RANBP2: variants seen among roughly 807,000 people sequenced by gnomAD.
RANBP2 encodes the protein RAN binding protein 2.
A neutral mutation model predicts 303.6 loss-of-function variants in RANBP2; 57 were observed. That is an observed-to-expected ratio of 0.19 (90% CI 0.15 to 0.23). RANBP2 has a LOEUF of 0.23. Ranked by LOEUF, RANBP2 falls within the 10% of genes least tolerant of loss-of-function variation. RANBP2 has a pLI of 1.00. For missense variants in RANBP2, 3,138 were observed against 3,780.8 expected, an observed-to-expected ratio of 0.83 and a Z score of 4.46; for synonymous variants, 1,167 against 1,301.5, an observed-to-expected ratio of 0.90 and a Z score of 2.23.
At chr2:108,932,545 A>T in the RANBP2 span, among the ~76,000 whole-genome samples, 2 of 151,220 alleles carry the variant, frequency 1.3e-5, no homozygotes, top group African/African-American at 4.9e-5. Context: ...AAAAAAAAAA[A>T]AAAAAAAGAA....
the RANBP2 span, among the ~76,000 whole-genome samples, chr2:109,454,770 T>C: frequency 6.6e-6 from 1 of 152,106 alleles, no homozygotes; most frequent in Non-Finnish European, 1.5e-5. Flanking sequence ...AGTCCTGACA[T>C]AAAACTTAAT....
chr2:109,473,765 T>C, the RANBP2 span, among the ~76,000 whole-genome samples: 1 of 43,202 alleles, frequency 2.3e-5, no homozygotes, highest in South Asian at 8.1e-4. Context: ...CCTCCTCCCC[T>C]GTAACACTGA....
chr2:109,735,266 C>T, the RANBP2 span, among the ~76,000 whole-genome samples: 1 of 152,270 alleles, frequency 6.6e-6, no homozygotes, highest in South Asian at 2.1e-4. Flanking sequence ...TGGTATTTAT[C>T]TTTCTGTGCC....
At chr2:109,371,652 A>G in the RANBP2 span, 2 of 1,613,956 alleles carry the variant, frequency 1.2e-6, no homozygotes, top group African/African-American at 1.3e-5. Context: ...GGGAGACAAG[A>G]TCGGGATCTT....
chr2:109,301,308 T>C, the RANBP2 span, among the ~76,000 whole-genome samples: 2 of 146,102 alleles, frequency 1.4e-5, no homozygotes, highest in Admixed American at 6.8e-5. Flanking sequence ...GTGTATGTGG[T>C]GGGGGGCGGG....
chr2:109,200,730 G>C, the RANBP2 span, among the ~76,000 whole-genome samples: 34 of 152,120 alleles, frequency 2.2e-4, no homozygotes, highest in Admixed American at 5.9e-4. Flanking sequence ...TCTATTTCTT[G>C]CTGCCCCTCC....
chr2:109,123,049 C>T, the RANBP2 span, among the ~76,000 whole-genome samples: 9 of 152,182 alleles, frequency 5.9e-5, no homozygotes, highest in African/African-American at 7.2e-5. Flanking sequence ...GCCTGGTGGA[C>T]GATGTAGCCC....
chr2:108,780,499 G>C (rs1044126113), intron 25 of RANBP2, among the ~76,000 whole-genome samples: 4 of 149,526 alleles, frequency 2.7e-5, no homozygotes, highest in African/African-American at 9.9e-5. Context: ...TGAGTAGCTG[G>C]GATCAGTCAC....
At chr2:109,704,874 G>A in the RANBP2 span, among the ~76,000 whole-genome samples, 1 of 151,958 alleles carries the variant, frequency 6.6e-6, no homozygotes, top group Non-Finnish European at 1.5e-5. Flanking sequence ...AAGCAGGCAT[G>A]TATAAAGAGC....
the RANBP2 span, among the ~76,000 whole-genome samples, chr2:109,653,082 G>C: frequency 6.6e-6 from 1 of 152,168 alleles, no homozygotes; most frequent in East Asian, 1.9e-4. Flanking sequence ...GCTTTAGGAA[G>C]GTGCCAGTTT....
At chr2:109,648,419 C>T in the RANBP2 span, among the ~76,000 whole-genome samples, 20 of 151,962 alleles carry the variant, frequency 1.3e-4, no homozygotes, top group East Asian at 2.7e-3. Context: ...GATGCAATCT[C>T]GGCTCACTGC....
At chr2:109,301,913 C>T in the RANBP2 span, among the ~76,000 whole-genome samples, 5 of 152,172 alleles carry the variant, frequency 3.3e-5, no homozygotes, top group African/African-American at 9.7e-5. Flanking sequence ...TTCCCCGGTG[C>T]GGGACCGGGG....
chr2:109,205,410 T>C, the RANBP2 span, among the ~76,000 whole-genome samples: 1 of 151,874 alleles, frequency 6.6e-6, no homozygotes. Context: ...TAATTTTTTG[T>C]TTTTGTTTTT....
At chr2:109,620,227 C>T in the RANBP2 span, among the ~76,000 whole-genome samples, 2 of 152,186 alleles carry the variant, frequency 1.3e-5, no homozygotes, top group African/African-American at 2.4e-5. Context: ...AATTCAATTA[C>T]ATGCATTCAT....
the RANBP2 span, among the ~76,000 whole-genome samples, chr2:109,022,457 A>G: frequency 2.6e-5 from 4 of 152,184 alleles, no homozygotes; most frequent in Admixed American, 6.5e-5. Flanking sequence ...CAGATGGTGG[A>G]CAGTTCCCTT....
the RANBP2 span, among the ~76,000 whole-genome samples, chr2:109,188,494 G>C: frequency 6.6e-6 from 1 of 152,320 alleles, no homozygotes; most frequent in South Asian, 2.1e-4. Context: ...TTGTCCCTGG[G>C]TTTGGCTCTT....
chr2:108,967,598 G>C, the RANBP2 span, among the ~76,000 whole-genome samples: 1 of 152,176 alleles, frequency 6.6e-6, no homozygotes, highest in Non-Finnish European at 1.5e-5. Context: ...AAACTTGAAA[G>C]AGCAGGGGGC....
chr2:109,052,436 C>A, the RANBP2 span, among the ~76,000 whole-genome samples: 2 of 152,158 alleles, frequency 1.3e-5, no homozygotes, highest in Non-Finnish European at 2.9e-5. Flanking sequence ...TACATTTATA[C>A]TTTTGGGAAA....
the RANBP2 span, among the ~76,000 whole-genome samples, chr2:109,338,713 A>G: frequency 3.0e-4 from 46 of 152,166 alleles, no homozygotes; most frequent in East Asian, 4.1e-3. Context: ...ATGCGCCACC[A>G]CGCCCGACTA....
Sources: gnomAD v4.1 joint callset for allele counts (sites outside exome capture counted in the v4.1 genomes callset) on GRCh38, gnomAD v4.1.1 for gene constraint, MANE v1.5 for transcripts, NCBI Gene and HGNC (gene_info 2026-07-23, HGNC 2026-07-21) for gene names.